DNAH9: variants seen among roughly 807,000 people sequenced by gnomAD.
DNAH9 encodes dynein axonemal heavy chain 9, also known as DNAH9 variant protein.
Under a neutral mutation model 471.6 loss-of-function variants are expected in DNAH9, and 345 were observed. That is an observed-to-expected ratio of 0.73 (90% CI 0.67 to 0.80). The LOEUF is 0.80. Among genes scored for constraint, DNAH9 ranks in the 30% least tolerant of loss-of-function variants. The pLI, the probability that DNAH9 is intolerant of heterozygous loss-of-function variation, is 0.00. For synonymous variants in DNAH9, 2,093 were observed against 2,123.6 expected (o/e 0.99, Z 0.40); for missense variants, 5,407 against 5,609.2 (o/e 0.96, Z 1.15).
chr17:11,599,109 A>G (rs972989419), intron 1 of DNAH9, among the ~76,000 whole-genome samples, 194 bp downstream of exon 1: 1 of 151,682 alleles, frequency 6.6e-6, no homozygotes, highest in Non-Finnish European at 1.5e-5. Flanking sequence ...TCAGGAAGAA[A>G]ATGGGATGGG....
intron 50 of DNAH9, among the ~76,000 whole-genome samples, chr17:11,863,642 A>G (rs1028650220): frequency 4.6e-4 from 69 of 150,998 alleles, no homozygotes; most frequent in African/African-American, 1.4e-3. Flanking sequence ...CTGTGAATCC[A>G]TCTGGTCCTG....
At chr17:11,745,859 T>TTGTG (rs142398071) in intron 31 of DNAH9, among the ~76,000 whole-genome samples, 1 of 151,650 alleles carries the variant, frequency 6.6e-6, no homozygotes, top group Non-Finnish European at 1.5e-5. Context: ...GTATTATGTA[T>TTGTG]TGTGTGTGTG....
chr17:11,731,166 A>C (rs2075262280), intron 28 of DNAH9, among the ~76,000 whole-genome samples: 2 of 147,086 alleles, frequency 1.4e-5, no homozygotes, highest in African/African-American at 2.5e-5. Flanking sequence ...CAGTGATTAT[A>C]ATGTTAACAA....
In DNAH9 at chr17:11,894,595, C is replaced by G. The variant is rs547707784; in HGVS notation, c.11406+99C>G. On this transcript the variant is annotated intron_variant, in intron 59 of 68. Coordinates refer to ENST00000262442, the MANE Select transcript of DNAH9 (RefSeq NM_001372.4). ...GTCAGCAGGGCTCTCTGTTGGAGTT[C>G]AAGCATGGAGCTGTGTTAAACATAG... The G allele has an allele frequency of 3.9e-5, 58 of 1,494,726 alleles. No homozygotes were observed. The African/African-American group carries it at 7.4e-4, about 19-fold the overall frequency. 92.6% of individuals were successfully genotyped at this position (1,494,726 alleles called of 1,614,324 possible).
chr17:11,663,040 C>T (rs1372121806), intron 14 of DNAH9, among the ~76,000 whole-genome samples: 1 of 151,508 alleles, frequency 6.6e-6, no homozygotes, highest in Non-Finnish European at 1.5e-5. Context: ...CAGGCGTGAG[C>T]CACCGCGCCC....
chr17:11,731,556 C>G (rs2075271057), intron 28 of DNAH9, among the ~76,000 whole-genome samples: 1 of 120,254 alleles, frequency 8.3e-6, no homozygotes, highest in Non-Finnish European at 1.7e-5. Flanking sequence ...CCCCTCCCCC[C>G]ACCCAACAAC....
chr17:11,823,016 G>A lies in DNAH9; in HGVS notation c.9228G>A (p.Leu3076=). Residue 3076 remains leucine, a synonymous_variant, in exon 48 of 69, where the codon CTG becomes CTA. Transcript: ENST00000262442. ...TERLENGLLK[L]HSTSAQVDDL... is the part of the protein sequence containing the mutation. ...GGTTGGAGAACGGGCTGCTGAAGCT[G>A]CATAGCACCTCTGCCCAGGTGAGCA... The A allele has an allele frequency of 6.2e-7, 1 of 1,613,518 alleles. No individual in the cohort carries two copies. Among genetic ancestry groups the A allele is most frequent in the Non-Finnish European group, 8.5e-7 (1 of 1,179,720 alleles).
At chr17:11,666,915 T>G (rs545440031) in intron 15 of DNAH9, among the ~76,000 whole-genome samples, 2 of 152,274 alleles carry the variant, frequency 1.3e-5, no homozygotes, top group South Asian at 4.1e-4. Context: ...TTCCCAAGGC[T>G]TGGGTTGGTT....
At position 11,598,740 on chromosome 17, in the gene DNAH9, T is replaced by TGGCAATACGCCCC; in HGVS notation, c.245_257dup (p.Leu87AsnfsTer10). On this transcript the variant is annotated frameshift_variant, in exon 1 of 69. Transcript: ENST00000262442. LOFTEE classifies it high-confidence loss of function. ...GTGGTGCGGCCCGGGCCCAGGGGCC[T>TGGCAATACGCCCC]GGCAATACGCCCCGGGCTGGAGGTG... 1 of 1,410,996 alleles carries TGGCAATACGCCCC rather than the reference T, an allele frequency of 7.1e-7. No homozygotes were observed. The highest frequency in any genetic ancestry group is 9.2e-7 in the Non-Finnish European group (1 of 1,089,886). 87.4% of individuals were successfully genotyped at this position (1,410,996 alleles called of 1,614,324 possible). A position where few individuals can be genotyped will look rare whatever the true frequency, so the allele number is the denominator to read the frequency against.
intron 26 of DNAH9, among the ~76,000 whole-genome samples, chr17:11,709,345 C>T (rs1264593878): frequency 6.6e-6 from 1 of 152,152 alleles, no homozygotes; most frequent in Non-Finnish European, 1.5e-5. Context: ...ACTTATATGG[C>T]AAATTGCATT....
intron 14 of DNAH9, among the ~76,000 whole-genome samples, chr17:11,663,433 G>A (rs1357707793): frequency 1.3e-5 from 2 of 152,196 alleles, no homozygotes; most frequent in Non-Finnish European, 2.9e-5. Flanking sequence ...TAGAAAGCCA[G>A]GTGGTGGTGA....
chr17:11,681,177 A>ACTAGG (rs1185911878), intron 19 of DNAH9, among the ~76,000 whole-genome samples: 7 of 152,180 alleles, frequency 4.6e-5, no homozygotes, highest in Admixed American at 3.3e-4. Flanking sequence ...TAGGTGGTAT[A>ACTAGG]ATTACTAGGA....
chr17:11,685,827 C>T (rs555834693), intron 19 of DNAH9, among the ~76,000 whole-genome samples: 7 of 123,542 alleles, frequency 5.7e-5, no homozygotes, highest in South Asian at 2.6e-4. Context: ...TTTTTTGAGA[C>T]GGAGTCTCGC....
Position 11,738,361 on chromosome 17 carries a change from G to T in DNAH9, c.5815-519G>T, listed in dbSNP as rs575047013. Among the ~76,000 whole-genome samples, 10 of 152,206 alleles carry T rather than the reference G, an allele frequency of 6.6e-5. No homozygotes were observed. In the South Asian group the frequency reaches 2.1e-3, roughly 32 times the overall value. On this transcript the variant is annotated intron_variant, in intron 28 of 68. Transcript: ENST00000262442. ...CTCTTAGCCACAGTGTCATAAATGT[G>T]GCTGTGGGCAGCCAGATTCATTTTT... is the stretch of plus-strand genomic sequence containing the variant.
At chr17:11,912,167 GCCA>G (rs1973814031) in intron 61 of DNAH9, among the ~76,000 whole-genome samples, 1 of 152,102 alleles carries the variant, frequency 6.6e-6, no homozygotes, top group Non-Finnish European at 1.5e-5. Context: ...ACAGGTACAC[GCCA>G]CCATGTCCAG....
chr17:11,632,744 T>C, intron 8 of DNAH9, 41 bp downstream of exon 8: 3 of 945,450 alleles, frequency 3.2e-6, no homozygotes, highest in Non-Finnish European at 5.2e-6. Flanking sequence ...TCCTGGATAC[T>C]CCCCCGGCCC....
intron 17 of DNAH9, among the ~76,000 whole-genome samples, chr17:11,674,725 G>C (rs970304120): frequency 6.7e-6 from 1 of 150,316 alleles, no homozygotes; most frequent in Non-Finnish European, 1.5e-5. Context: ...CCCTTATGTT[G>C]TTCTTCTTTT....
intron 17 of DNAH9, among the ~76,000 whole-genome samples, chr17:11,677,736 A>G (rs2074070559): frequency 6.6e-6 from 1 of 151,566 alleles, no homozygotes; most frequent in African/African-American, 2.4e-5. Context: ...TTTGGGGTAT[A>G]ATTTTTCATG....
intron 17 of DNAH9, among the ~76,000 whole-genome samples, chr17:11,677,278 CTCCTTGT>C (rs1419570235): frequency 6.6e-6 from 1 of 151,872 alleles, no homozygotes; most frequent in Non-Finnish European, 1.5e-5. Context: ...TTGTCAATTT[CTCCTTGT>C]AATTCTGTAA....
Sources: allele counts gnomAD v4.1 joint callset (sites outside exome capture counted in the v4.1 genomes callset), GRCh38; gene constraint gnomAD v4.1.1; transcripts MANE v1.5; gene names NCBI Gene and HGNC (gene_info 2026-07-23, HGNC 2026-07-21).